The following AIDA variants were observed in gnomAD, a reference collection of about 807,000 sequenced individuals.
AIDA encodes axin interactor, dorsalization associated.
A neutral mutation model predicts 42.7 loss-of-function variants in AIDA; 18 were observed. The observed-to-expected ratio is 0.42, with a 90% CI of 0.29 to 0.63. The LOEUF is 0.63. Ranked by LOEUF, AIDA falls within the 20% of genes least tolerant of loss-of-function variation. The pLI is 0.19. For missense variants in AIDA, 250 were observed against 354.1 expected, an observed-to-expected ratio of 0.71 and a Z score of 2.36; for synonymous variants, 104 against 122.9, an observed-to-expected ratio of 0.85 and a Z score of 1.02.
chr1:222,679,688 C>T (rs112045392), intron 6 of AIDA, among the ~76,000 whole-genome samples: 2,176 of 152,284 alleles, frequency 0.014, 52 homozygotes, highest in African/African-American at 0.049. Flanking sequence ...CAGTTTGGCA[C>T]GGGATTCCAT....
At chr1:222,676,262 A>G (rs772528175) in intron 6 of AIDA, 44 bp from the exon 7 acceptor site, 8 of 1,567,066 alleles carry the variant, frequency 5.1e-6, no homozygotes, top group Non-Finnish European at 6.9e-6. Flanking sequence ...ATCATTTCAC[A>G]GTAAACATTT....
At chr1:222,671,209 C>G (rs1168212699) in intron 8 of AIDA, among the ~76,000 whole-genome samples, 1 of 152,026 alleles carries the variant, frequency 6.6e-6, no homozygotes, top group Non-Finnish European at 1.5e-5. Context: ...GCCTGTGTGA[C>G]AAAGTGAGAC....
Position 222,689,602 on chromosome 1 carries a change from TAC to T in AIDA, c.290-1946_290-1945del, listed in dbSNP as rs1309409611. Among the ~76,000 whole-genome samples, 403 of 141,426 alleles carry T rather than the reference TAC, an allele frequency of 2.8e-3. 2 individuals carry two copies. Among genetic ancestry groups the T allele is most frequent in the South Asian group, 0.013 (58 of 4,468 alleles). 92.8% of individuals were successfully genotyped at this position (141,426 alleles called of 152,430 possible). ...ATATACACACACACACACATATATA[TAC>T]ACACACACACACGTATATATATTTG... On this transcript the variant is annotated intron_variant, in intron 4 of 9. Coordinates refer to ENST00000340020, the MANE Select transcript of AIDA (RefSeq NM_022831.4).
chr1:222,687,605 C>A lies in AIDA; in HGVS notation c.343G>T (p.Val115Phe). ...AAATGTTTCTTTTACCTTAATGGGA[C>A]AGGCTGAACATCAAATGGGAATTCT... ...NKEFPFDVQP[V>F]PLRRILAPGE... The change falls in exon 5 of 10, where the codon GTC (valine) becomes TTC (phenylalanine). Residue 115 changes from valine to phenylalanine, a missense_variant. By Grantham distance (50) the Val-to-Phe change is conservative. Transcript: ENST00000340020. The A allele has an allele frequency of 6.7e-7, 1 of 1,493,112 alleles. No homozygotes were observed. Among genetic ancestry groups the A allele is most frequent in the Non-Finnish European group, 9.1e-7 (1 of 1,097,940 alleles). 92.5% of individuals were successfully genotyped at this position (1,493,112 alleles called of 1,614,324 possible).
intron 3 of AIDA, 115 bp downstream of exon 3, chr1:222,694,094 GT>G: frequency 1.0e-6 from 1 of 969,114 alleles, no homozygotes; most frequent in Non-Finnish European, 1.5e-6. Context: ...TTTAATAGAT[GT>G]TGTTATAAAA....
chr1:222,695,248 T>TG (rs1357842005), intron 2 of AIDA, among the ~76,000 whole-genome samples: 1 of 152,204 alleles, frequency 6.6e-6, no homozygotes. Flanking sequence ...TCCCAGCACT[T>TG]TGGGAGTCCA....
At chr1:222,709,002 G>A (rs999184002) in intron 1 of AIDA, among the ~76,000 whole-genome samples, 2 of 151,962 alleles carry the variant, frequency 1.3e-5, no homozygotes, top group Admixed American at 1.3e-4. Flanking sequence ...GTACTACTCT[G>A]GACACTAAGT....
Position 222,673,330 on chromosome 1 carries a change from A to G in AIDA, c.689T>C (p.Val230Ala). 1 of 1,605,398 alleles carries G rather than the reference A, an allele frequency of 6.2e-7. No homozygotes were observed. Among genetic ancestry groups the G allele is most frequent in the Non-Finnish European group, 8.5e-7 (1 of 1,176,430 alleles). Residue 230 changes from valine to alanine, a missense_variant, in exon 8 of 10, where the codon GTT becomes GCT. This residue lies in a region of AIDA where 199 missense variants were observed against 232.6 expected (regional missense o/e 0.86). Coordinates refer to ENST00000340020, the MANE Select transcript of AIDA (RefSeq NM_022831.4). ...TTACAAACCTTTGGTTAATTTTTCA[A>G]CATGCTTCTGGAGCTCAATGTCCAC... ...FNVDIELQKH[V>A]EKLTKGAAIF...
intron 6 of AIDA, among the ~76,000 whole-genome samples, chr1:222,682,397 T>G (rs899184530): frequency 6.6e-6 from 1 of 152,126 alleles, no homozygotes; most frequent in African/African-American, 2.4e-5. Flanking sequence ...GATTTTTATA[T>G]GATATTTTAT....
chr1:222,703,767 T>C (rs1422173498), intron 1 of AIDA, among the ~76,000 whole-genome samples: 1 of 152,208 alleles, frequency 6.6e-6, no homozygotes, highest in Non-Finnish European at 1.5e-5. Context: ...CAGAAATCAT[T>C]GTCCAATTAT....
chr1:222,697,019 T>C (rs1006686363), intron 2 of AIDA, among the ~76,000 whole-genome samples: 4 of 152,148 alleles, frequency 2.6e-5, no homozygotes, highest in Admixed American at 6.5e-5. Context: ...CTCAGCTTAC[T>C]GCAACCTCCG....
intron 1 of AIDA, among the ~76,000 whole-genome samples, chr1:222,709,504 A>C (rs1297993263): frequency 6.6e-6 from 1 of 152,224 alleles, no homozygotes; most frequent in Non-Finnish European, 1.5e-5. Flanking sequence ...AAATGAAAAA[A>C]ATGAAGCAGG....
rs552870990 is a variant in AIDA, at chr1:222,689,137, T to C, written c.290-1479A>G. 2.0e-5 allele frequency among the ~76,000 whole-genome samples: 3 copies of C among 151,660 alleles called. No individual in the cohort carries two copies. The South Asian group carries it at 6.2e-4, about 32-fold the overall frequency. ...AGAAAACACTTATAGAATAAGGACA[T>C]AAAGAAAAAATATTATTGTGGCTGG... On this transcript the variant is annotated intron_variant, in intron 4 of 9. Transcript: ENST00000340020.
chr1:222,711,831 G>T, intron 1 of AIDA: 1 of 235,988 alleles, frequency 4.2e-6, no homozygotes, highest in Non-Finnish European at 8.6e-6. Flanking sequence ...ATTTCAAAAG[G>T]AAATCGAGGA....
chr1:222,691,346 T>A (rs1655361278), intron 4 of AIDA, among the ~76,000 whole-genome samples: 1 of 152,166 alleles, frequency 6.6e-6, no homozygotes, highest in Non-Finnish European at 1.5e-5. Context: ...TGAAATCAAA[T>A]CCTAGCCCAA....
chr1:222,675,004 A>C (rs560112170), intron 7 of AIDA, among the ~76,000 whole-genome samples: 2 of 152,358 alleles, frequency 1.3e-5, no homozygotes, highest in South Asian at 4.1e-4. Context: ...TATACTTTCC[A>C]GTAGGCCATA....
At chr1:222,710,212 A>C (rs1218778092) in intron 1 of AIDA, among the ~76,000 whole-genome samples, 1 of 152,200 alleles carries the variant, frequency 6.6e-6, no homozygotes. Flanking sequence ...TCTTGACCTC[A>C]TTTTATATGT....
At chr1:222,674,351 A>G (rs575108506) in intron 7 of AIDA, among the ~76,000 whole-genome samples, 1 of 152,302 alleles carries the variant, frequency 6.6e-6, no homozygotes, top group South Asian at 2.1e-4. Flanking sequence ...TCATCTTTAT[A>G]GGGAAGAAGT....
intron 4 of AIDA, among the ~76,000 whole-genome samples, chr1:222,692,192 G>C (rs573989431): frequency 6.6e-6 from 1 of 152,272 alleles, no homozygotes; most frequent in Non-Finnish European, 1.5e-5. Flanking sequence ...GGAGGATGCG[G>C]AGAAGGGGAG....
Sources: allele counts gnomAD v4.1 joint callset (sites outside exome capture counted in the v4.1 genomes callset), GRCh38; gene constraint gnomAD v4.1.1; regional missense constraint gnomAD v4.1.1; transcripts MANE v1.5; gene names NCBI Gene and HGNC (gene_info 2026-07-23, HGNC 2026-07-21).